The following PPARA variants were observed in gnomAD, a reference collection of about 807,000 sequenced individuals.
PPARA encodes the protein peroxisome proliferator-activated receptor alpha.
Under a neutral mutation model 42.2 loss-of-function variants are expected in PPARA, and 22 were observed. The ratio of observed to expected loss-of-function variants is 0.52; its 90% CI spans 0.37 to 0.74. The LOEUF (loss-of-function observed/expected upper bound fraction) is 0.74, where lower values mean the gene tolerates loss of function less well. Among genes scored for constraint, PPARA ranks in the 30% least tolerant of loss-of-function variants. PPARA has a pLI of 0.00. For missense variants in PPARA, 465 were observed against 608.2 expected (o/e 0.76, Z 2.48); for synonymous variants, 242 against 239.3 (o/e 1.01, Z -0.10).
chr22:46,165,708 C>G lies in PPARA; in HGVS notation c.-126-11045C>G, dbSNP rs1926947908. On this transcript the variant is annotated intron_variant, in intron 2 of 8. Coordinates refer to ENST00000407236, the MANE Select transcript of PPARA (RefSeq NM_005036.6). The surrounding 1 kb of genome is among the most constrained non-coding windows in gnomAD (Gnocchi z 5.5). ...TTCTAGCTACGCCCAGTCCTTGAGA[C>G]TGGATTAAGGTGATCTCAGATTGCA... 6.6e-6 allele frequency among the ~76,000 whole-genome samples: 1 copy of G among 152,232 alleles called. No individual in the cohort carries two copies. Among genetic ancestry groups the G allele is most frequent in the African/African-American group, 2.4e-5 (1 of 41,460 alleles).
At position 46,162,090 on chromosome 22, in the gene PPARA, T is replaced by G. The variant is rs958205769; in HGVS notation, c.-127+10120T>G. Among the ~76,000 whole-genome samples the G allele has an allele frequency of 2.0e-5, 3 of 152,112 alleles. No homozygotes were observed. The highest frequency in any genetic ancestry group is 7.2e-5 in the African/African-American group (3 of 41,422). ...GGGGGACATCAAAGGCAGGACAAGG[T>G]GTAGGGTCCTCACCCACCACTTAGC... On this transcript the variant is annotated intron_variant, in intron 2 of 8. Coordinates refer to ENST00000407236, the MANE Select transcript of PPARA (RefSeq NM_005036.6). The surrounding 1 kb of genome is among the most constrained non-coding windows in gnomAD (Gnocchi z 6.0).
At chr22:46,152,955 G>A (rs1200871269) in intron 2 of PPARA, among the ~76,000 whole-genome samples, 8 of 152,134 alleles carry the variant, frequency 5.3e-5, no homozygotes, top group African/African-American at 1.7e-4. Flanking sequence ...GCATGGTGGC[G>A]GACATCTGTA....
rs1017478362 is a variant in PPARA, at chr22:46,225,103, C to T, written c.711+5089C>T. On this transcript the variant is annotated intron_variant, in intron 7 of 8. Transcript: ENST00000407236. This position sits in a 1 kb window ranked among gnomAD's most constrained non-coding sequence, Gnocchi z 4.1. ...GCAGGGGGAGGCCGCTGCATGGAGCCGCATAGATGCCATTGCTTGAGGAAA... is the reference window on the plus strand; with the variant it reads ...GCAGGGGGAGGCCGCTGCATGGAGCTGCATAGATGCCATTGCTTGAGGAAA... Among the ~76,000 whole-genome samples, 7 of 152,012 alleles carry T rather than the reference C, an allele frequency of 4.6e-5. No individual in the cohort carries two copies. The highest frequency in any genetic ancestry group is 2.1e-4 in the South Asian group (1 of 4,822).
At chr22:46,214,571 A>G (rs1934271314) in intron 4 of PPARA, among the ~76,000 whole-genome samples, 1 of 99,472 alleles carries the variant, frequency 1.0e-5, no homozygotes, top group Non-Finnish European at 2.0e-5. Flanking sequence ...GGGTCCAGAG[A>G]TGTGGGGGTC....
chr22:46,206,371 T>A (rs1473554665), intron 4 of PPARA, among the ~76,000 whole-genome samples: 1 of 152,172 alleles, frequency 6.6e-6, no homozygotes, highest in Non-Finnish European at 1.5e-5. Flanking sequence ...TGCCTTGGCC[T>A]CCCAAAATGC....
intron 4 of PPARA, among the ~76,000 whole-genome samples, chr22:46,206,021 CT>C (rs1933267053): frequency 6.6e-6 from 1 of 152,066 alleles, no homozygotes; most frequent in Non-Finnish European, 1.5e-5. Context: ...ACAATTTGTT[CT>C]CTTTGGTACA....
In PPARA at chr22:46,222,704, TATA is replaced by T. The variant is rs1935099749; in HGVS notation, c.711+2691_711+2693del. On this transcript the variant is annotated intron_variant, in intron 7 of 8. Transcript: ENST00000407236. This position sits in a 1 kb window ranked among gnomAD's most constrained non-coding sequence, Gnocchi z 5.9. Reference sequence around the variant, plus strand: ...TGGCTAAAACTTTTGTTTGCCAGCTTATATTTCTCCCTTGGATTTCAGAATTGA... The same window carrying T: ...TGGCTAAAACTTTTGTTTGCCAGCTTTTTCTCCCTTGGATTTCAGAATTGA... Among the ~76,000 whole-genome samples the T allele has an allele frequency of 1.3e-5, 2 of 152,156 alleles. No individual in the cohort carries two copies. The highest frequency in any genetic ancestry group is 2.9e-5 in the Non-Finnish European group (2 of 68,028).
chr22:46,167,087 T>C lies in PPARA; in HGVS notation c.-126-9666T>C, dbSNP rs1322864664. 6.6e-6 allele frequency among the ~76,000 whole-genome samples: 1 copy of C among 152,056 alleles called. No homozygotes were observed. The highest frequency in any genetic ancestry group is 1.5e-5 in the Non-Finnish European group (1 of 68,018). Reference sequence around the variant, plus strand: ...GTCCAGAAATAGATCCACACATATATGGTCAATTGATTTTCAGCAAAGTGC... The same window carrying C: ...GTCCAGAAATAGATCCACACATATACGGTCAATTGATTTTCAGCAAAGTGC... On this transcript the variant is annotated intron_variant, in intron 2 of 8. Transcript: ENST00000407236. This position sits in a 1 kb window ranked among gnomAD's most constrained non-coding sequence, Gnocchi z 4.1.
rs1293253922 is a variant in PPARA, at chr22:46,162,136, T to C, written c.-127+10166T>C. On this transcript the variant is annotated intron_variant, in intron 2 of 8. Coordinates refer to ENST00000407236, the MANE Select transcript of PPARA (RefSeq NM_005036.6). This position sits in a 1 kb window ranked among gnomAD's most constrained non-coding sequence, Gnocchi z 6.0. Reference sequence around the variant, plus strand: ...TTAGCAGCTCTCAGATGCAGACAGATTTTTCAGCTGGCCTGTGGCTCAGTT... The same window carrying C: ...TTAGCAGCTCTCAGATGCAGACAGACTTTTCAGCTGGCCTGTGGCTCAGTT... Among the ~76,000 whole-genome samples the C allele has an allele frequency of 6.6e-6, 1 of 152,136 alleles. No individual in the cohort carries two copies. Among genetic ancestry groups the C allele is most frequent in the Non-Finnish European group, 1.5e-5 (1 of 68,022 alleles).
intron 2 of PPARA, among the ~76,000 whole-genome samples, chr22:46,175,435 C>T (rs888660167): frequency 1.3e-5 from 2 of 151,954 alleles, no homozygotes; most frequent in Non-Finnish European, 2.9e-5. Context: ...TCACATAGGC[C>T]GGGCGCGGTG....
At chr22:46,157,202 A>G (rs1377756934) in intron 2 of PPARA, among the ~76,000 whole-genome samples, 1 of 152,196 alleles carries the variant, frequency 6.6e-6, no homozygotes, top group African/African-American at 2.4e-5. Context: ...CTGAGTAGGT[A>G]CTTGTAAATG....
chr22:46,217,404 T>G (rs1366567653), intron 5 of PPARA, among the ~76,000 whole-genome samples: 1 of 152,260 alleles, frequency 6.6e-6, no homozygotes, highest in Non-Finnish European at 1.5e-5. Context: ...AGGGCCATGA[T>G]TAATTATTCA....
intron 7 of PPARA, 45 bp downstream of exon 7, chr22:46,220,059 C>A: frequency 6.3e-7 from 1 of 1,594,748 alleles, no homozygotes; most frequent in South Asian, 1.1e-5. Flanking sequence ...AACATGGAAC[C>A]AGTGTCGTAG....
chr22:46,223,969 GAAAT>G (rs1034651346), intron 7 of PPARA, among the ~76,000 whole-genome samples: 5 of 151,204 alleles, frequency 3.3e-5, no homozygotes, highest in African/African-American at 4.9e-5. Flanking sequence ...AAAAAAGAAA[GAAAT>G]GATAGATGAA....
intron 4 of PPARA, among the ~76,000 whole-genome samples, chr22:46,210,076 G>A (rs986641614): frequency 8.6e-5 from 13 of 151,978 alleles, no homozygotes; most frequent in Non-Finnish European, 1.5e-4. Context: ...TCTTGAGGCC[G>A]AGGTTGGGAA....
In PPARA at chr22:46,203,948, T is replaced by A. The variant is rs959407300; in HGVS notation, c.208+5357T>A. On this transcript the variant is annotated intron_variant, in intron 4 of 8. Coordinates refer to ENST00000407236, the MANE Select transcript of PPARA (RefSeq NM_005036.6). This position sits in a 1 kb window ranked among gnomAD's most constrained non-coding sequence, Gnocchi z 5.8. ...CTCTGCCTCCTGCATCTATCAGTAG[T>A]GCCTCTGTCTGTCACCCCTAAAGTT... 1.3e-5 allele frequency among the ~76,000 whole-genome samples: 2 copies of A among 152,200 alleles called. No individual in the cohort carries two copies. The highest frequency in any genetic ancestry group is 6.5e-5 in the Admixed American group (1 of 15,282).
chr22:46,154,432 ACCTGGCGAAAC>A (rs2147092411), intron 2 of PPARA, among the ~76,000 whole-genome samples: 1 of 152,190 alleles, frequency 6.6e-6, no homozygotes, highest in East Asian at 2.0e-4. Context: ...AGCCTGGGCA[ACCTGGCGAAAC>A]CCTGCATCTA....
At position 46,234,954 on chromosome 22, in the gene PPARA, C is replaced by T. The variant is rs1012775145; in HGVS notation, c.1160-179C>T. Among the ~76,000 whole-genome samples, 1 of 152,188 alleles carries T rather than the reference C, an allele frequency of 6.6e-6. No individual in the cohort carries two copies. The highest frequency in any genetic ancestry group is 6.5e-5 in the Admixed American group (1 of 15,280). ...GTACTGGTCCTGTCTGTCCCTACTT[C>T]ACCTATTGACTTTGGAAAAACCTAT... On this transcript the variant is annotated intron_variant, in intron 8 of 8. Coordinates refer to ENST00000407236, the MANE Select transcript of PPARA (RefSeq NM_005036.6). The surrounding 1 kb of genome is among the most constrained non-coding windows in gnomAD (Gnocchi z 5.8).
Position 46,227,413 on chromosome 22 carries a change from G to A in PPARA, c.712-4379G>A, listed in dbSNP as rs752598661. ...ATTACAGGTGCCAGCCACCACACCC[G>A]ACTAATTTTTGTATTTTTAGTAGAC... On this transcript the variant is annotated intron_variant, in intron 7 of 8. Coordinates refer to ENST00000407236, the MANE Select transcript of PPARA (RefSeq NM_005036.6). This position sits in a 1 kb window ranked among gnomAD's most constrained non-coding sequence, Gnocchi z 4.3. Among the ~76,000 whole-genome samples the A allele has an allele frequency of 2.6e-5, 4 of 152,086 alleles. No individual in the cohort carries two copies. Among genetic ancestry groups the A allele is most frequent in the African/African-American group, 7.2e-5 (3 of 41,416 alleles).
Sources: allele counts gnomAD v4.1 joint callset (sites outside exome capture counted in the v4.1 genomes callset), GRCh38; gene constraint gnomAD v4.1.1; non-coding constraint Gnocchi (gnomAD v3.1); transcripts MANE v1.5; gene names NCBI Gene and HGNC (gene_info 2026-07-23, HGNC 2026-07-21).